The following MACF1 variants were observed in gnomAD, a reference collection of about 807,000 sequenced individuals.
MACF1 encodes microtubule-actin cross-linking factor 1.
A neutral mutation model predicts 854.8 loss-of-function variants in MACF1; 193 were observed. The ratio of observed to expected loss-of-function variants is 0.23; its 90% CI spans 0.20 to 0.25. MACF1 has a LOEUF of 0.25. MACF1 is among the 10% of genes least tolerant of loss of function. The pLI is 1.00. For missense variants in MACF1, 7,722 were observed against 8,929.1 expected (o/e 0.86, Z 5.45); for synonymous variants, 3,185 against 3,226.7 (o/e 0.99, Z 0.44).
intron 2 of MACF1, among the ~76,000 whole-genome samples, chr1:39,171,586 A>G (rs1007102244): frequency 2.0e-5 from 3 of 152,212 alleles, no homozygotes; most frequent in Middle Eastern, 3.4e-3. Flanking sequence ...TGCCTTTTCC[A>G]TGTAACATTA....
intron 2 of MACF1, among the ~76,000 whole-genome samples, chr1:39,117,800 T>C (rs1036223321): frequency 1.8e-4 from 28 of 152,110 alleles, no homozygotes; most frequent in Admixed American, 1.2e-3. Context: ...CAAAAGACAA[T>C]AAAGAATGTG....
chr1:39,155,236 G>C (rs1643659793), intron 2 of MACF1, among the ~76,000 whole-genome samples: 1 of 152,056 alleles, frequency 6.6e-6, no homozygotes, highest in African/African-American at 2.4e-5. Context: ...CCTTGTTTTT[G>C]TTTAATTTTT....
At chr1:39,394,253 TGA>T (rs1642183123) in intron 58 of MACF1, among the ~76,000 whole-genome samples, 2 of 148,334 alleles carry the variant, frequency 1.3e-5, no homozygotes. Flanking sequence ...ATTGATTGAT[TGA>T]TTGATTGATT....
intron 80 of MACF1, among the ~76,000 whole-genome samples, chr1:39,445,753 G>A (rs1209722227): frequency 6.6e-6 from 1 of 152,212 alleles, no homozygotes; most frequent in Non-Finnish European, 1.5e-5. Flanking sequence ...AACACCAGGA[G>A]TTTGAGACCA....
intron 97 of MACF1, among the ~76,000 whole-genome samples, chr1:39,470,572 G>A (rs1644756884): frequency 6.6e-6 from 1 of 152,186 alleles, no homozygotes; most frequent in Admixed American, 6.5e-5. Context: ...CTTGAGCCCA[G>A]GAGTTCAAAG....
intron 94 of MACF1, 101 bp from the exon 95 acceptor site, chr1:39,464,994 A>C: frequency 9.5e-7 from 1 of 1,052,760 alleles, no homozygotes; most frequent in Middle Eastern, 2.0e-4. Flanking sequence ...TTGCCAGAAA[A>C]ATGTAATGAT....
chr1:39,094,265 T>C (rs940161131), intron 2 of MACF1, among the ~76,000 whole-genome samples: 12 of 152,056 alleles, frequency 7.9e-5, no homozygotes, highest in African/African-American at 2.9e-4. Context: ...GATAATATAG[T>C]GAGACCCCGT....
chr1:39,336,214 A>C lies in MACF1; in HGVS notation c.9626A>C (p.Asp3209Ala), dbSNP rs1224243389. The change falls in exon 37 of 101, where the codon GAC becomes GCC. Residue 3209 changes from aspartate to alanine, a missense_variant. Physicochemically the swap from Asp to Ala is moderately radical, Grantham distance 126 (BLOSUM62 -2). Transcript: ENST00000564288. ...VRYLEFSDRK[D>A]LHHQGSKSDD... ...TATCTAGAATTCTCAGACAGAAAAG[A>C]CCTTCATCATCAGGGCAGCAAAAGT... The C allele has an allele frequency of 1.9e-6, 3 of 1,613,988 alleles. No individual in the cohort carries two copies. Among genetic ancestry groups the C allele is most frequent in the Non-Finnish European group, 2.5e-6 (3 of 1,180,024 alleles).
At chr1:39,317,499 G>T in intron 29 of MACF1, 92 bp downstream of exon 29, 1 of 1,350,802 alleles carries the variant, frequency 7.4e-7, no homozygotes, top group East Asian at 2.4e-5. Context: ...TATATTTAAA[G>T]GTGGAAATGG....
In MACF1 at chr1:39,340,627, T is replaced by G; in HGVS notation, c.10341T>G (p.Asp3447Glu). The G allele has an allele frequency of 1.9e-6, 3 of 1,614,214 alleles. No individual in the cohort carries two copies. The highest frequency in any genetic ancestry group is 2.5e-6 in the Non-Finnish European group (3 of 1,180,038). Residue 3447 changes from aspartate to glutamate, a missense_variant, in exon 39 of 101, where the codon GAT (aspartate) becomes GAG (glutamate). Transcript: ENST00000564288. ...PAQLLKALEK[D>E]AKNLQKSLSS... ...AACTGTTGAAGGCTCTAGAGAAAGA[T>G]GCCAAGAATCTTCAGAAGTCTCTCA...
intron 58 of MACF1, chr1:39,410,303 G>T (rs745833983): frequency 1.2e-6 from 2 of 1,611,550 alleles, no homozygotes; most frequent in Non-Finnish European, 8.5e-7. Context: ...TGTTTAAGGC[G>T]GAACCCCAGC....
Position 39,334,277 on chromosome 1 carries a change from A to G in MACF1, c.7689A>G (p.Leu2563=). 1 of 1,613,926 alleles carries G rather than the reference A, an allele frequency of 6.2e-7. No individual in the cohort carries two copies. The highest frequency in any genetic ancestry group is 1.7e-5 in the Admixed American group (1 of 59,968). ...ENISLPKAIK[L]DLITSDLKRE... Reference sequence around the variant, plus strand: ...TTTCCCTCCCTAAAGCCATAAAATTAGATCTTATTACCTCAGACCTGAAAA... The same window carrying G: ...TTTCCCTCCCTAAAGCCATAAAATTGGATCTTATTACCTCAGACCTGAAAA... The change falls in exon 37 of 101, where the codon TTA becomes TTG. Residue 2563 remains leucine, a synonymous_variant. Transcript: ENST00000564288.
intron 2 of MACF1, among the ~76,000 whole-genome samples, chr1:39,190,391 G>GTTT (rs1557508061): frequency 7.4e-4 from 31 of 41,764 alleles, no homozygotes; most frequent in Non-Finnish European, 1.1e-3. Flanking sequence ...GTGTGTGTGT[G>GTTT]TTTGTTTTTG....
intron 84 of MACF1, among the ~76,000 whole-genome samples, chr1:39,449,818 G>A (rs1031573704): frequency 6.6e-6 from 1 of 150,938 alleles, no homozygotes; most frequent in Non-Finnish European, 1.5e-5. Context: ...AGCCTCTTGA[G>A]TAGCTCAGAC....
chr1:39,207,441 C>T (rs756917109), intron 1 of MACF1, among the ~76,000 whole-genome samples: 22 of 151,980 alleles, frequency 1.4e-4, no homozygotes, highest in South Asian at 2.1e-4. Flanking sequence ...CCACCACAGC[C>T]GGCTGATTTT....
In MACF1 at chr1:39,336,543, C is replaced by T. The variant is rs1314332822; in HGVS notation, c.9955C>T (p.Pro3319Ser). The part of the protein sequence containing the change: ...VCSAVKTEKT[P>S]QEKLRESPGS... Reference sequence around the variant, plus strand: ...CTCTGCAGTGAAGACAGAGAAGACACCACAGGAAAAGCTCAGAGAAAGCCC... The same window carrying T: ...CTCTGCAGTGAAGACAGAGAAGACATCACAGGAAAAGCTCAGAGAAAGCCC... Residue 3319 changes from proline (P) to serine (S), a missense_variant, in exon 37 of 101, where the codon CCA becomes TCA. Pro to Ser is a moderately conservative substitution (Grantham distance 74). This residue lies in a region of MACF1 where 854 missense variants were observed against 852.6 expected (regional missense o/e 1.00). Transcript: ENST00000564288. 2 of 1,614,098 alleles carry T rather than the reference C, an allele frequency of 1.2e-6. No homozygotes were observed. Among genetic ancestry groups the T allele is most frequent in the African/African-American group, 1.3e-5 (1 of 75,038 alleles).
chr1:39,345,720 T>A (rs1253606942), intron 40 of MACF1, among the ~76,000 whole-genome samples: 1 of 152,164 alleles, frequency 6.6e-6, no homozygotes, highest in African/African-American at 2.4e-5. Context: ...CCTAAGAAAG[T>A]ACAATTAGGT....
intron 40 of MACF1, among the ~76,000 whole-genome samples, chr1:39,342,675 T>C (rs112323105): frequency 0.056 from 8,492 of 151,592 alleles, 307 homozygotes; most frequent in African/African-American, 0.099. Context: ...CCCACCACCA[T>C]GCCAGGCTAA....
intron 2 of MACF1, among the ~76,000 whole-genome samples, chr1:39,130,845 CT>C (rs994652573): frequency 7.4e-4 from 108 of 145,234 alleles, no homozygotes; most frequent in African/African-American, 1.7e-3. Context: ...CTTTTCTTTA[CT>C]TTTTTTTTTT....
Sources: allele counts gnomAD v4.1 joint callset (sites outside exome capture counted in the v4.1 genomes callset), GRCh38; gene constraint gnomAD v4.1.1; regional missense constraint gnomAD v4.1.1; transcripts MANE v1.5; gene names NCBI Gene and HGNC (gene_info 2026-07-23, HGNC 2026-07-21).